The following NLGN1 variants were observed in gnomAD, a reference collection of about 807,000 sequenced individuals.
NLGN1 encodes the protein neuroligin 1.
A neutral mutation model predicts 65.5 loss-of-function variants in NLGN1; 12 were observed. The observed-to-expected ratio is 0.18, with a 90% CI of 0.12 to 0.30. The LOEUF (loss-of-function observed/expected upper bound fraction) is 0.30, where lower values mean the gene tolerates loss of function less well. NLGN1 is among the 10% of genes least tolerant of loss of function. The pLI, the probability that NLGN1 is intolerant of heterozygous loss-of-function variation, is 1.00. For missense variants in NLGN1, 750 were observed against 1,007.1 expected, an observed-to-expected ratio of 0.74 and a Z score of 3.46; for synonymous variants, 350 against 359.5, an observed-to-expected ratio of 0.97 and a Z score of 0.30.
intron 4 of NLGN1, among the ~76,000 whole-genome samples, chr3:174,125,703 A>C (rs1718797749): frequency 6.6e-6 from 1 of 152,148 alleles, no homozygotes; most frequent in Admixed American, 6.6e-5. Flanking sequence ...ATGAGATTGT[A>C]TACAGAGAAA....
chr3:173,761,178 A>G (rs1012297763), intron 3 of NLGN1, among the ~76,000 whole-genome samples: 1 of 152,028 alleles, frequency 6.6e-6, no homozygotes, highest in African/African-American at 2.4e-5. Context: ...GTGTGCAATG[A>G]CTTTCAATAC....
chr3:173,584,870 AC>A (rs993129318), intron 2 of NLGN1: 3 of 152,132 alleles, frequency 2.0e-5, no homozygotes, highest in Non-Finnish European at 4.4e-5. Context: ...AACAAGAATT[AC>A]CGGGTGCTCG....
At chr3:173,925,389 C>T (rs565513554) in intron 4 of NLGN1, among the ~76,000 whole-genome samples, 15 of 152,152 alleles carry the variant, frequency 9.9e-5, no homozygotes, top group Non-Finnish European at 1.0e-4. Context: ...CAAATGAGCT[C>T]AATCCATGGG....
chr3:174,294,241 A>G, the NLGN1 span, among the ~76,000 whole-genome samples: 1 of 151,744 alleles, frequency 6.6e-6, no homozygotes, highest in Admixed American at 6.6e-5. Context: ...TCTTATGCTT[A>G]TAAGCCATTG....
intron 4 of NLGN1, among the ~76,000 whole-genome samples, chr3:173,854,827 A>C (rs1727643329): frequency 6.6e-6 from 1 of 152,106 alleles, no homozygotes; most frequent in African/African-American, 2.4e-5. Context: ...GATGTTTAGC[A>C]GGGTGAACTT....
chr3:173,645,847 C>G (rs1191398686), intron 3 of NLGN1, among the ~76,000 whole-genome samples: 1 of 152,184 alleles, frequency 6.6e-6, no homozygotes, highest in African/African-American at 2.4e-5. Context: ...AATCCCAGCC[C>G]TGTGGCAAAG....
chr3:174,045,615 A>G (rs1255855343), intron 4 of NLGN1, among the ~76,000 whole-genome samples: 1 of 152,172 alleles, frequency 6.6e-6, no homozygotes, highest in Non-Finnish European at 1.5e-5. Flanking sequence ...GAAGTAACTG[A>G]GACATTAGCT....
intron 2 of NLGN1, among the ~76,000 whole-genome samples, chr3:173,542,393 C>T (rs1479003497): frequency 6.6e-6 from 1 of 151,974 alleles, no homozygotes; most frequent in Admixed American, 6.6e-5. Context: ...CTAGTTTAGG[C>T]TTCCTCCCCC....
At chr3:173,683,009 G>A (rs1430129953) in intron 3 of NLGN1, among the ~76,000 whole-genome samples, 3 of 152,156 alleles carry the variant, frequency 2.0e-5, no homozygotes, top group Non-Finnish European at 2.9e-5. Flanking sequence ...TTTTGCAACT[G>A]TTAAAAGTTA....
chr3:173,521,690 A>G (rs1441771990), intron 2 of NLGN1, among the ~76,000 whole-genome samples: 4 of 152,180 alleles, frequency 2.6e-5, no homozygotes, highest in Non-Finnish European at 5.9e-5. Context: ...GCCTAGTAAT[A>G]ATAATAATGA....
intron 4 of NLGN1, among the ~76,000 whole-genome samples, chr3:174,066,745 C>CAAG (rs1738695804): frequency 6.6e-6 from 1 of 151,958 alleles, no homozygotes; most frequent in South Asian, 2.1e-4. Flanking sequence ...TGGGTCCTTG[C>CAAG]TATGGGCAAG....
intron 3 of NLGN1, among the ~76,000 whole-genome samples, chr3:173,782,904 T>A (rs933556560): frequency 1.3e-5 from 2 of 151,976 alleles, no homozygotes; most frequent in African/African-American, 4.8e-5. Context: ...TATATACTAA[T>A]ACATGTACTA....
chr3:174,118,825 C>G (rs899426799), intron 4 of NLGN1, among the ~76,000 whole-genome samples: 1 of 152,074 alleles, frequency 6.6e-6, no homozygotes, highest in African/African-American at 2.4e-5. Flanking sequence ...GTATTACATA[C>G]TAAAGGTCAT....
intron 4 of NLGN1, among the ~76,000 whole-genome samples, chr3:173,961,300 T>C (rs933730428): frequency 6.6e-6 from 1 of 152,176 alleles, no homozygotes; most frequent in East Asian, 1.9e-4. Context: ...GAAACAATTG[T>C]AGGAGGACCT....
chr3:174,279,711 T>G lies in NLGN1; in HGVS notation c.1649+61T>G. On this transcript the variant is annotated intron_variant, in intron 6 of 6. Coordinates refer to ENST00000457714, the Ensembl canonical transcript of NLGN1. This position sits in a 1 kb window ranked among gnomAD's most constrained non-coding sequence, Gnocchi z 4.7. ...AAATGTTATTTTAACCATTTTAAAA[T>G]AATAGATATTTATGCCCAGATAATG... 2 of 1,003,858 alleles carry G rather than the reference T, an allele frequency of 2.0e-6. No individual in the cohort carries two copies. Among genetic ancestry groups the G allele is most frequent in the Non-Finnish European group, 2.9e-6 (2 of 682,334 alleles). The allele number at this position is 1,003,858 out of a possible 1,614,324, so 62.2% of individuals were successfully genotyped here. A position where few individuals can be genotyped will look rare whatever the true frequency, so the allele number is the denominator to read the frequency against.
chr3:173,771,798 A>G (rs1779624876), intron 3 of NLGN1, among the ~76,000 whole-genome samples: 1 of 151,928 alleles, frequency 6.6e-6, no homozygotes, highest in Non-Finnish European at 1.5e-5. Flanking sequence ...TCCATACCGT[A>G]TTGTAGTGTG....
chr3:173,592,563 G>A (rs17178976), intron 2 of NLGN1, among the ~76,000 whole-genome samples: 75,135 of 151,890 alleles, frequency 0.49, 18,900 homozygotes, highest in East Asian at 0.74. Context: ...TCTATGTTTC[G>A]TCCCCCCTGG....
At chr3:173,451,369 A>T (rs1411939158) in intron 2 of NLGN1, among the ~76,000 whole-genome samples, 1 of 152,182 alleles carries the variant, frequency 6.6e-6, no homozygotes, top group Non-Finnish European at 1.5e-5. Flanking sequence ...CGGCTGCAGA[A>T]CAGTGGATAT....
At chr3:173,905,113 T>C (rs1457230626) in intron 4 of NLGN1, among the ~76,000 whole-genome samples, 1 of 152,196 alleles carries the variant, frequency 6.6e-6, no homozygotes, top group Admixed American at 6.5e-5. Context: ...ACAATTTCAC[T>C]ATTTCCCTGT....
Sources: allele counts gnomAD v4.1 joint callset (sites outside exome capture counted in the v4.1 genomes callset), GRCh38; gene constraint gnomAD v4.1.1; non-coding constraint Gnocchi (gnomAD v3.1); transcripts MANE v1.5; gene names NCBI Gene and HGNC (gene_info 2026-07-23, HGNC 2026-07-21).